The following NSD2 variants were observed in gnomAD, a reference collection of about 807,000 sequenced individuals.
NSD2 encodes the protein nuclear receptor binding SET domain protein 2.
NSD2 carries 12 observed loss-of-function variants against 139.0 expected under a neutral mutation model. The observed-to-expected ratio is 0.09, with a 90% CI of 0.06 to 0.14. The LOEUF (loss-of-function observed/expected upper bound fraction) is 0.14. NSD2 is among the 10% of genes least tolerant of loss of function. The probability of loss-of-function intolerance (pLI) is 1.00; values close to 1 mark genes in which losing one functional copy is unlikely to be tolerated. For missense variants in NSD2, 1,155 were observed against 1,745.0 expected (o/e 0.66, Z 6.02); for synonymous variants, 669 against 648.7 (o/e 1.03, Z -0.48).
chr4:1,898,672 C>CAA (rs1304580837), intron 1 of NSD2, among the ~76,000 whole-genome samples: 1 of 138,318 alleles, frequency 7.2e-6, no homozygotes, highest in African/African-American at 2.8e-5. Context: ...AAAAAAAAAA[C>CAA]AAAAAACAAA....
chr4:1,958,970 C>T lies in NSD2; in HGVS notation c.2986-501C>T, dbSNP rs1257335724. Among the ~76,000 whole-genome samples the T allele has an allele frequency of 6.6e-6, 1 of 152,156 alleles. No homozygotes were observed. Among genetic ancestry groups the T allele is most frequent in the Non-Finnish European group, 1.5e-5 (1 of 68,038 alleles). Reference sequence around the variant, plus strand: ...TGCTTGTCTTTCACTAATAGTAAACCACAAGGTCATGAGAGCAGAGGCTAT... The same window carrying T: ...TGCTTGTCTTTCACTAATAGTAAACTACAAGGTCATGAGAGCAGAGGCTAT... On this transcript the variant is annotated intron_variant, in intron 16 of 21. Coordinates refer to ENST00000508803, the MANE Select transcript of NSD2 (RefSeq NM_001042424.3). The surrounding 1 kb of genome is among the most constrained non-coding windows in gnomAD (Gnocchi z 4.6).
chr4:1,945,766 G>A (rs1355074299), intron 9 of NSD2: 3 of 1,064,020 alleles, frequency 2.8e-6, no homozygotes, highest in African/African-American at 1.6e-5. Context: ...CAGTCACTGC[G>A]TCTGGGCCTG....
intron 1 of NSD2, among the ~76,000 whole-genome samples, chr4:1,890,284 TTTTTG>T (rs1293842233): frequency 2.0e-5 from 3 of 152,120 alleles, no homozygotes; most frequent in Non-Finnish European, 2.9e-5. Context: ...GTACAAGTTT[TTTTTG>T]TTTTGTTTTG....
chr4:1,895,515 C>T (rs1241372991), intron 1 of NSD2, among the ~76,000 whole-genome samples: 1 of 152,196 alleles, frequency 6.6e-6, no homozygotes, highest in Non-Finnish European at 1.5e-5. Context: ...CTATATTCAA[C>T]TCAACTGAGT....
intron 1 of NSD2, among the ~76,000 whole-genome samples, chr4:1,875,781 C>T (rs191231038): frequency 3.2e-4 from 48 of 148,372 alleles, no homozygotes; most frequent in Middle Eastern, 7.4e-3. Flanking sequence ...TGGTGGTGGA[C>T]GCCTGTAGTC....
Position 1,981,949 on chromosome 4 carries a change from T to C in NSD2, c.*3040T>C, listed in dbSNP as rs890581081. The C allele has an allele frequency of 1.3e-5, 5 of 398,500 alleles. No homozygotes were observed. The highest frequency in any genetic ancestry group is 1.0e-4 in the African/African-American group (5 of 48,628). 24.7% of individuals were successfully genotyped at this position (398,500 alleles called of 1,614,324 possible). A position where few individuals can be genotyped will look rare whatever the true frequency, so the allele number is the denominator to read the frequency against. ...GCCCCGTCAGAAATTAAATACAAAC[T>C]TAAATGTGCCTATTGGTGTCTAAAC... On this transcript the variant is annotated 3_prime_UTR_variant, in exon 22 of 22. Coordinates refer to ENST00000508803, the MANE Select transcript of NSD2 (RefSeq NM_001042424.3).
At chr4:1,894,247 A>G (rs1225122537) in intron 1 of NSD2, among the ~76,000 whole-genome samples, 1 of 152,128 alleles carries the variant, frequency 6.6e-6, no homozygotes, top group African/African-American at 2.4e-5. Context: ...GTGAGCCACC[A>G]CGCCTGGTGA....
At chr4:1,975,549 G>T (rs1308207710) in intron 20 of NSD2, 149 bp downstream of exon 20, 1 of 660,018 alleles carries the variant, frequency 1.5e-6, no homozygotes, top group East Asian at 2.7e-5. Context: ...GGCTGGGGAG[G>T]ATGGCTCTCA....
At position 1,976,612 on chromosome 4, in the gene NSD2, G is replaced by C; in HGVS notation, c.3759G>C (p.Leu1253=). 6.2e-7 allele frequency: 1 copy of C among 1,609,682 alleles called. No homozygotes were observed. The highest frequency in any genetic ancestry group is 8.5e-7 in the Non-Finnish European group (1 of 1,178,140). ...FRCGDGGQLV[L]CDRKFCTKAY... is the part of the protein sequence containing the mutation. ...GCGGTGATGGCGGGCAGCTGGTGCTGTGTGACCGCAAGTTCTGCACCAAGG... is the reference window on the plus strand; with the variant it reads ...GCGGTGATGGCGGGCAGCTGGTGCTCTGTGACCGCAAGTTCTGCACCAAGG... Residue 1253 remains leucine, a synonymous_variant, in exon 21 of 22, where the codon CTG becomes CTC. Coordinates refer to ENST00000508803, the MANE Select transcript of NSD2 (RefSeq NM_001042424.3). The surrounding 1 kb of genome is among the most constrained non-coding windows in gnomAD (Gnocchi z 5.3).
intron 7 of NSD2, among the ~76,000 whole-genome samples, chr4:1,935,566 A>G (rs577649783): frequency 6.6e-6 from 1 of 152,324 alleles, no homozygotes; most frequent in East Asian, 1.9e-4. Context: ...TGTCACTAAA[A>G]ATAACCTCTT....
In NSD2 at chr4:1,981,657, G is replaced by A. The variant is rs916336821; in HGVS notation, c.*2748G>A. 1.3e-5 allele frequency: 5 copies of A among 390,970 alleles called. No homozygotes were observed. In the Admixed American group the frequency reaches 1.3e-4, roughly 10 times the overall value. The allele number at this position is 390,970 out of a possible 1,614,324, so 24.2% of individuals were successfully genotyped here. A position where few individuals can be genotyped will look rare whatever the true frequency, so the allele number is the denominator to read the frequency against. ...TCCTCAGGCCGGCCTTTCTTCCGGC[G>A]ACACCCGTCCATGGCTGGCTGGGTC... On this transcript the variant is annotated 3_prime_UTR_variant, in exon 22 of 22. Coordinates refer to ENST00000508803, the MANE Select transcript of NSD2 (RefSeq NM_001042424.3).
chr4:1,957,427 G>A (rs190972441), intron 15 of NSD2, among the ~76,000 whole-genome samples: 129 of 151,078 alleles, frequency 8.5e-4, no homozygotes, highest in South Asian at 1.5e-3. Context: ...GGGACCATAC[G>A]CACCTGCCAT....
intron 3 of NSD2, among the ~76,000 whole-genome samples, chr4:1,912,359 G>C (rs1240041689): frequency 2.0e-5 from 3 of 151,846 alleles, no homozygotes; most frequent in Non-Finnish European, 4.4e-5. Flanking sequence ...GTCACTATTT[G>C]TAATAAATGA....
Position 1,977,347 on chromosome 4 carries a change from T to C in NSD2, c.3826+668T>C, listed in dbSNP as rs543244127. 1.2e-4 allele frequency among the ~76,000 whole-genome samples: 19 copies of C among 152,352 alleles called. No homozygotes were observed. The South Asian group carries it at 2.7e-3, about 22-fold the overall frequency. On this transcript the variant is annotated intron_variant, in intron 21 of 21. Coordinates refer to ENST00000508803, the MANE Select transcript of NSD2 (RefSeq NM_001042424.3). ...TGAGAAATGGGTCGTGAGATGACTC[T>C]GGCGGTGCGCAGACATCATGGCTCA...
In NSD2 at chr4:1,976,319, C is replaced by G. The variant is rs952696989; in HGVS notation, c.3622-156C>G. The G allele has an allele frequency of 6.6e-6, 5 of 763,044 alleles. No individual in the cohort carries two copies. Among genetic ancestry groups the G allele is most frequent in the Non-Finnish European group, 1.1e-5 (5 of 467,870 alleles). The allele number at this position is 763,044 out of a possible 1,614,324, so 47.3% of individuals were successfully genotyped here. A position where few individuals can be genotyped will look rare whatever the true frequency, so the allele number is the denominator to read the frequency against. On this transcript the variant is annotated intron_variant, in intron 20 of 21. Transcript: ENST00000508803. This position sits in a 1 kb window ranked among gnomAD's most constrained non-coding sequence, Gnocchi z 5.3. ...CTGAGTCGAGTGAGTCTAAGGATGTCTGGGGAGCACGAGGAGGACACTCCT... is the reference window on the plus strand; with the variant it reads ...CTGAGTCGAGTGAGTCTAAGGATGTGTGGGGAGCACGAGGAGGACACTCCT...
At chr4:1,950,990 G>A in intron 9 of NSD2, 82 bp from the exon 10 acceptor site, 3 of 1,558,702 alleles carry the variant, frequency 1.9e-6, no homozygotes, top group Non-Finnish European at 2.6e-6. Context: ...GTGGGGTGGG[G>A]CGGGACGAGC....
At chr4:1,910,820 T>A (rs984022591) in intron 3 of NSD2, among the ~76,000 whole-genome samples, 1 of 152,196 alleles carries the variant, frequency 6.6e-6, no homozygotes, top group Non-Finnish European at 1.5e-5. Flanking sequence ...CAGTTTCTGC[T>A]TTACCTATTT....
chr4:1,929,070 TC>T (rs878903464), intron 5 of NSD2, among the ~76,000 whole-genome samples: 1 of 151,490 alleles, frequency 6.6e-6, no homozygotes, highest in South Asian at 2.1e-4. Context: ...AGGTGGGAGG[TC>T]CCAGGCAGTT....
At chr4:1,943,074 C>T (rs952517302) in intron 9 of NSD2, 17 of 1,049,636 alleles carry the variant, frequency 1.6e-5, no homozygotes, top group African/African-American at 5.0e-5. Context: ...TGTACACCAA[C>T]CTCTGCATCA....
Sources: gnomAD v4.1 joint callset for allele counts (sites outside exome capture counted in the v4.1 genomes callset) on GRCh38, gnomAD v4.1.1 for gene constraint, Gnocchi (gnomAD v3.1) non-coding constraint, MANE v1.5 for transcripts, NCBI Gene and HGNC (gene_info 2026-07-23, HGNC 2026-07-21) for gene names.